PCDH10: variants seen among roughly 807,000 people sequenced by gnomAD.
PCDH10 encodes protocadherin 10, also known as protocadherin-10.
In PCDH10, 15 loss-of-function variants were observed where a neutral mutation model predicts 74.4. The ratio of observed to expected loss-of-function variants is 0.20; its 90% CI spans 0.13 to 0.31. The LOEUF (loss-of-function observed/expected upper bound fraction) is 0.31. Ranked by LOEUF, PCDH10 falls within the 10% of genes least tolerant of loss-of-function variation. The pLI is 1.00. For synonymous variants in PCDH10, 619 were observed against 589.8 expected (o/e 1.05, Z -0.72); for missense variants, 1,260 against 1,390.2 (o/e 0.91, Z 1.49).
At chr4:133,198,855 A>C (rs767780612), downstream of PCDH10, among the ~76,000 whole-genome samples, 1 of 152,124 alleles carries the variant, frequency 6.6e-6, no homozygotes, top group Non-Finnish European at 1.5e-5. Context: ...TTTTAGTTTA[A>C]GATGTATTTC....
chr4:133,166,847 T>A (rs1014609649), intron 4 of PCDH10, among the ~76,000 whole-genome samples: 1 of 151,522 alleles, frequency 6.6e-6, no homozygotes, highest in Non-Finnish European at 1.5e-5. Context: ...TCAATACAAT[T>A]ACATCAAAAT....
chr4:133,185,428 G>T (rs957599267), intron 4 of PCDH10, among the ~76,000 whole-genome samples: 7 of 151,940 alleles, frequency 4.6e-5, no homozygotes, highest in African/African-American at 7.3e-5. Context: ...AAAGGGAACC[G>T]TTAAACATGG....
chr4:133,200,187 ATC>A (rs1578582217), intron 2 of PCDH10, among the ~76,000 whole-genome samples: 2 of 152,012 alleles, frequency 1.3e-5, no homozygotes. Flanking sequence ...TTTAAATTAT[ATC>A]TCTTGTCAAA....
At position 133,151,027 on chromosome 4, in the gene PCDH10, G is replaced by A; in HGVS notation, c.887G>A (p.Arg296Gln). The A allele has an allele frequency of 6.2e-7, 1 of 1,613,888 alleles. No individual in the cohort carries two copies. The highest frequency in any genetic ancestry group is 8.5e-7 in the Non-Finnish European group (1 of 1,180,036). ...TCCTTCAGCAGCCACATTTCGCCCC[G>A]GGCGCGGGAGCTTTTCGGACTCTCG... ...VYSFSSHISP[R>Q]ARELFGLSPR... The change falls in exon 1 of 5, where the codon CGG (arginine) becomes CAG (glutamine). Residue 296 changes from arginine (R) to glutamine (Q), a missense_variant. Physicochemically the swap from Arg to Gln is conservative, Grantham distance 43. This residue lies in a region of PCDH10 where 192 missense variants were observed against 161.2 expected (regional missense o/e 1.19). Transcript: ENST00000264360.
rs549639017 is a variant in PCDH10 at position 133,193,824 on chromosome 4, T to C, written c.*3664T>C. 1 of 151,868 alleles carries C rather than the reference T, an allele frequency of 6.6e-6. No individual in the cohort carries two copies. The highest frequency in any genetic ancestry group is 1.9e-4 in the East Asian group (1 of 5,180). 9.4% of individuals were successfully genotyped at this position (151,868 alleles called of 1,614,324 possible). ...TACAAATTCTTGAGTTCTTTATCTT[T>C]TTCAAGTCTAATTTTGTAGTGGTAA... On this transcript the variant is annotated 3_prime_UTR_variant, in exon 5 of 5. Transcript: ENST00000264360.
chr4:133,178,301 A>G (rs1056490950), intron 4 of PCDH10, among the ~76,000 whole-genome samples: 2 of 151,694 alleles, frequency 1.3e-5, no homozygotes, highest in African/African-American at 4.8e-5. Context: ...CAATGGCACT[A>G]TCTTGGCTCA....
chr4:133,168,393 A>G (rs1727130944), intron 4 of PCDH10, among the ~76,000 whole-genome samples: 1 of 151,442 alleles, frequency 6.6e-6, no homozygotes, highest in Non-Finnish European at 1.5e-5. Context: ...AGTTTCATCC[A>G]ATAAATTTCT....
In PCDH10 at chr4:133,152,066, C is replaced by T. The variant is rs1726721315; in HGVS notation, c.1926C>T (p.Arg642=). Residue 642 remains arginine (R), a synonymous_variant, in exon 1 of 5, where the codon CGC becomes CGT. Transcript: ENST00000264360. ...DWRTGELRTA[R]RVPAKRDPQR... ...GCACCGGGGAGCTGCGCACAGCACG[C>T]CGAGTCCCGGCCAAGCGCGACCCCC... 1 of 1,605,366 alleles carries T rather than the reference C, an allele frequency of 6.2e-7. No homozygotes were observed. The highest frequency in any genetic ancestry group is 1.1e-5 in the South Asian group (1 of 89,772).
At chr4:133,201,856 C>CAAAAAAA (rs11400760) in intron 2 of PCDH10, among the ~76,000 whole-genome samples, 1 of 72,358 alleles carries the variant, frequency 1.4e-5, no homozygotes, top group African/African-American at 5.4e-5. Flanking sequence ...AACTCCATCT[C>CAAAAAAA]AAAAAAAAAA....
chr4:133,158,100 T>C (rs556567423), intron 3 of PCDH10, among the ~76,000 whole-genome samples: 2 of 152,236 alleles, frequency 1.3e-5, no homozygotes, highest in African/African-American at 4.8e-5. Flanking sequence ...AATGCAGACA[T>C]AAACCATCAC....
intron 4 of PCDH10, among the ~76,000 whole-genome samples, chr4:133,167,769 A>C (rs915067798): frequency 6.6e-6 from 1 of 151,054 alleles, no homozygotes; most frequent in Admixed American, 6.6e-5. Context: ...TTTTCAGTTT[A>C]TTTCTTTGGG....
intron 1 of PCDH10, chr4:133,153,943 C>A: frequency 5.0e-6 from 1 of 199,146 alleles, no homozygotes; most frequent in Non-Finnish European, 1.0e-5. Context: ...TGCACCTAAA[C>A]ACTTTTTTAA....
chr4:133,200,763 C>A (rs913073513), intron 2 of PCDH10, among the ~76,000 whole-genome samples: 1 of 152,166 alleles, frequency 6.6e-6, no homozygotes, highest in Admixed American at 6.5e-5. Context: ...CTAATCCTTT[C>A]TCTTGACTCT....
intron 4 of PCDH10, among the ~76,000 whole-genome samples, chr4:133,185,637 G>C (rs1235964656): frequency 6.6e-6 from 1 of 152,062 alleles, no homozygotes; most frequent in African/African-American, 2.4e-5. Flanking sequence ...GTGTCCTGAT[G>C]ATGAGGCTTA....
rs1459637308 is a variant in PCDH10, at chr4:133,192,602, A to T, written c.*2442A>T. On this transcript the variant is annotated 3_prime_UTR_variant, in exon 5 of 5. Transcript: ENST00000264360. ...TTAGTTATTTTCATATATCCTAGGA[A>T]CTAGTTATACTAACTTACATTTTAG... is the stretch of plus-strand genomic sequence containing the variant. 6.6e-6 allele frequency: 1 copy of T among 151,570 alleles called. No homozygotes were observed. The highest frequency in any genetic ancestry group is 1.5e-5 in the Non-Finnish European group (1 of 67,598). 9.4% of individuals were successfully genotyped at this position (151,570 alleles called of 1,614,324 possible). A position where few individuals can be genotyped will look rare whatever the true frequency, so the allele number is the denominator to read the frequency against.
downstream of PCDH10, among the ~76,000 whole-genome samples, chr4:133,197,918 T>C (rs964147585): frequency 2.0e-5 from 3 of 151,558 alleles, no homozygotes; most frequent in Non-Finnish European, 2.9e-5. Context: ...TAATTAATAA[T>C]AGAGTGAATA....
Position 133,150,336 on chromosome 4 carries a change from C to T in PCDH10, c.196C>T (p.Leu66Phe). Residue 66 changes from leucine (L) to phenylalanine (F), a missense_variant, in exon 1 of 5, where the codon CTC becomes TTC. Physicochemically the swap from Leu to Phe is conservative, Grantham distance 22 (BLOSUM62 0). Coordinates refer to ENST00000264360, the MANE Select transcript of PCDH10 (RefSeq NM_032961.3). Reference protein sequence around the residue: ...VPNSRTPYLDLNLETGVLYVN... With the variant: ...VPNSRTPYLDFNLETGVLYVN... ...CAACTCAAGGACCCCTTACTTAGAC[C>T]TCAACCTGGAGACAGGGGTGCTGTA... 1.9e-6 allele frequency: 3 copies of T among 1,613,678 alleles called. No homozygotes were observed. Among genetic ancestry groups the T allele is most frequent in the South Asian group, 2.2e-5 (2 of 91,036 alleles).
intron 4 of PCDH10, among the ~76,000 whole-genome samples, chr4:133,174,876 T>C (rs1400726212): frequency 2.0e-5 from 3 of 151,522 alleles, no homozygotes; most frequent in South Asian, 4.2e-4. Flanking sequence ...TTCAGGCTTA[T>C]ATTAGAATTA....
At position 133,152,549 on chromosome 4, in the gene PCDH10, G is replaced by A. The variant is rs945451023; in HGVS notation, c.2409G>A (p.Pro803=). The A allele has an allele frequency of 1.9e-6, 3 of 1,614,022 alleles. No homozygotes were observed. The highest frequency in any genetic ancestry group is 2.7e-5 in the African/African-American group (2 of 74,910). ...TACCCAGTAACCCGGCCCAGGTGCCGATAGAGGAGTCCGGGGGCTTTGGCT... is the reference window on the plus strand; with the variant it reads ...TACCCAGTAACCCGGCCCAGGTGCCAATAGAGGAGTCCGGGGGCTTTGGCT... ...SNVPSNPAQV[P]IEESGGFGSH... Residue 803 remains proline (P), a synonymous_variant, in exon 1 of 5, where the codon CCG becomes CCA. Coordinates refer to ENST00000264360, the MANE Select transcript of PCDH10 (RefSeq NM_032961.3).
Sources: gnomAD v4.1 joint callset for allele counts (sites outside exome capture counted in the v4.1 genomes callset) on GRCh38, gnomAD v4.1.1 for gene constraint, gnomAD v4.1.1 regional missense constraint, MANE v1.5 for transcripts, NCBI Gene and HGNC (gene_info 2026-07-23, HGNC 2026-07-21) for gene names.